Variants in PCDH10 observed in about 807,000 individuals in gnomAD.
PCDH10 encodes protocadherin 10.
PCDH10 carries 15 observed loss-of-function variants against 74.4 expected under a neutral mutation model. That is an observed-to-expected ratio of 0.20 (90% CI 0.13 to 0.31). PCDH10 has a LOEUF of 0.31. PCDH10 is among the 10% of genes least tolerant of loss of function. The pLI is 1.00. For missense variants in PCDH10, 1,260 were observed against 1,390.2 expected (o/e 0.91, Z 1.49); for synonymous variants, 619 against 589.8 (o/e 1.05, Z -0.72).
Position 133,163,102 on chromosome 4 carries a change from G to A in PCDH10, c.2923G>A (p.Val975Ile). ...TGCTGATTATCGCAGCAATCTGCAT[G>A]TTCCTGGCATGGACTCTGTTCCAGA... ...QAADYRSNLH[V>I]PGMDSVPDTE... Residue 975 changes from valine to isoleucine, a missense_variant, in exon 4 of 5, where the codon GTT becomes ATT. By Grantham distance (29) the Val-to-Ile change is conservative (BLOSUM62 3). This residue lies in a region of PCDH10 where 136 missense variants were observed against 149.3 expected (regional missense o/e 0.91). Transcript: ENST00000264360. 1 of 1,614,138 alleles carries A rather than the reference G, an allele frequency of 6.2e-7. No individual in the cohort carries two copies. The highest frequency in any genetic ancestry group is 8.5e-7 in the Non-Finnish European group (1 of 1,180,020).
rs375359012 is a variant in PCDH10, at chr4:133,152,542, A to C, written c.2402A>C (p.Gln801Pro). The change falls in exon 1 of 5, where the codon CAG (glutamine) becomes CCG (proline). Residue 801 changes from glutamine (Q) to proline (P), a missense_variant. By Grantham distance (76) the Gln-to-Pro change is moderately conservative. Around this residue, in one of 11 missense-constraint regions of PCDH10, gnomAD observed 587 missense variants for 616.9 expected, o/e 0.95. Transcript: ENST00000264360. ...QSSNVPSNPA[Q>P]VPIEESGGFG... Reference sequence around the variant, plus strand: ...TCCAATGTACCCAGTAACCCGGCCCAGGTGCCGATAGAGGAGTCCGGGGGC... The same window carrying C: ...TCCAATGTACCCAGTAACCCGGCCCCGGTGCCGATAGAGGAGTCCGGGGGC... 1.2e-6 allele frequency: 2 copies of C among 1,614,000 alleles called. No individual in the cohort carries two copies. The highest frequency in any genetic ancestry group is 1.6e-4 in the Middle Eastern group (1 of 6,084).
intron 1 of PCDH10, among the ~76,000 whole-genome samples, chr4:133,154,062 C>A (rs1399490190): frequency 6.6e-6 from 1 of 152,124 alleles, no homozygotes; most frequent in East Asian, 1.9e-4. Flanking sequence ...AAAAAACACA[C>A]ACACATTTAA....
rs567813670 is a variant in PCDH10, at chr4:133,151,333, T to A, written c.1193T>A (p.Leu398Gln). Residue 398 changes from leucine (L) to glutamine (Q), a missense_variant, in exon 1 of 5, where the codon CTG becomes CAG. Around this residue, in one of 11 missense-constraint regions of PCDH10, gnomAD observed 112 missense variants for 123.6 expected, o/e 0.91. Coordinates refer to ENST00000264360, the MANE Select transcript of PCDH10 (RefSeq NM_032961.3). ...AATGGGCAGGTGCAGTGCGAGCTAC[T>A]GGGAGACGTGCCTTTCCGCCTCAAG... ...EENGQVQCEL[L>Q]GDVPFRLKSS... The A allele has an allele frequency of 6.8e-6, 11 of 1,614,184 alleles. No homozygotes were observed. In the East Asian group the frequency reaches 2.2e-4, roughly 33 times the overall value.
At chr4:133,202,146 G>T (rs894382773) in intron 2 of PCDH10, among the ~76,000 whole-genome samples, 1 of 152,078 alleles carries the variant, frequency 6.6e-6, no homozygotes, top group Non-Finnish European at 1.5e-5. Flanking sequence ...GGGTAAAGAG[G>T]GCTATGCATG....
chr4:133,199,017 C>A (rs921514308), downstream of PCDH10, among the ~76,000 whole-genome samples: 1 of 152,224 alleles, frequency 6.6e-6, no homozygotes, highest in African/African-American at 2.4e-5. Flanking sequence ...GCGGCTCACA[C>A]TTGTAATTAA....
intron 4 of PCDH10, among the ~76,000 whole-genome samples, chr4:133,170,578 A>G (rs1178401943): frequency 6.6e-6 from 1 of 152,244 alleles, no homozygotes; most frequent in African/African-American, 2.4e-5. Flanking sequence ...TGTGCAACAT[A>G]GGAGTCAATG....
At chr4:133,159,512 A>G (rs987641656) in intron 3 of PCDH10, among the ~76,000 whole-genome samples, 5 of 152,176 alleles carry the variant, frequency 3.3e-5, no homozygotes, top group African/African-American at 1.2e-4. Context: ...GAGGTTTGGA[A>G]TAATAGACAT....
At chr4:133,155,686 G>A (rs1270443987) in intron 3 of PCDH10, among the ~76,000 whole-genome samples, 1 of 152,110 alleles carries the variant, frequency 6.6e-6, no homozygotes, top group Non-Finnish European at 1.5e-5. Context: ...TGAACTCTGA[G>A]TATATTTGTT....
At chr4:133,180,044 AT>A (rs1727380722) in intron 4 of PCDH10, among the ~76,000 whole-genome samples, 1 of 151,574 alleles carries the variant, frequency 6.6e-6, no homozygotes. Context: ...CTTCTTTCAA[AT>A]TTTCATAATT....
intron 4 of PCDH10, among the ~76,000 whole-genome samples, chr4:133,180,528 G>A (rs1230824750): frequency 1.3e-5 from 2 of 151,740 alleles, no homozygotes; most frequent in South Asian, 2.1e-4. Flanking sequence ...CTTTCTTTAC[G>A]AGAACATTAT....
Position 133,163,019 on chromosome 4 carries a change from T to G in PCDH10, c.2840T>G (p.Leu947Arg). The change falls in exon 4 of 5, where the codon CTG becomes CGG. Residue 947 changes from leucine (L) to arginine (R), a missense_variant. This residue lies in a region of PCDH10 where 136 missense variants were observed against 149.3 expected (regional missense o/e 0.91). Coordinates refer to ENST00000264360, the MANE Select transcript of PCDH10 (RefSeq NM_032961.3). ...AATTGCACTGAGGAATGTAAAGCTC[T>G]GGGCCACTCAGATCGGTGCTGGATG... ...FSNCTEECKALGHSDRCWMPS... is the reference protein window; with the variant it reads ...FSNCTEECKARGHSDRCWMPS... 4 of 1,614,148 alleles carry G rather than the reference T, an allele frequency of 2.5e-6. No individual in the cohort carries two copies. The highest frequency in any genetic ancestry group is 3.4e-6 in the Non-Finnish European group (4 of 1,179,994).
At chr4:133,154,551 A>G (rs76024433) in intron 2 of PCDH10, among the ~76,000 whole-genome samples, 186 bp downstream of exon 2, 1,759 of 152,342 alleles carry the variant, frequency 0.012, 64 homozygotes, top group East Asian at 0.11. Context: ...TATTTCATTT[A>G]TATACAACGC....
intron 4 of PCDH10, among the ~76,000 whole-genome samples, chr4:133,163,584 T>C (rs1050474142): frequency 6.6e-6 from 1 of 152,170 alleles, no homozygotes; most frequent in Non-Finnish European, 1.5e-5. Flanking sequence ...TATATTTCCT[T>C]TGAGGATCTT....
At position 133,151,400 on chromosome 4, in the gene PCDH10, C is replaced by G; in HGVS notation, c.1260C>G (p.Pro420=). Residue 420 remains proline (P), a synonymous_variant, in exon 1 of 5, where the codon CCC becomes CCG. Coordinates refer to ENST00000264360, the MANE Select transcript of PCDH10 (RefSeq NM_032961.3). ...ACTACACCATCGTTACCGAAGCCCCCCTGGACCGAGAGGCGGGGGACTCCT... is the reference window on the plus strand; with the variant it reads ...ACTACACCATCGTTACCGAAGCCCCGCTGGACCGAGAGGCGGGGGACTCCT... ...KNYYTIVTEA[P]LDREAGDSYT... is the part of the protein sequence containing the mutation. The G allele has an allele frequency of 6.2e-7, 1 of 1,614,144 alleles. No homozygotes were observed. Among genetic ancestry groups the G allele is most frequent in the Non-Finnish European group, 8.5e-7 (1 of 1,180,030 alleles).
At chr4:133,155,321 C>T (rs1267757165) in intron 3 of PCDH10, among the ~76,000 whole-genome samples, 1 of 152,184 alleles carries the variant, frequency 6.6e-6, no homozygotes, top group Non-Finnish European at 1.5e-5. Context: ...ACATAGCTCT[C>T]TCACTTGGTC....
Position 133,150,314 on chromosome 4 carries a change from C to A in PCDH10, c.174C>A (p.Asn58Lys). ...LSARGFQTVP[N>K]SRTPYLDLNL... ...CTCGCGGGTTTCAGACGGTGCCCAA[C>A]TCAAGGACCCCTTACTTAGACCTCA... Residue 58 changes from asparagine to lysine, a missense_variant, in exon 1 of 5, where the codon AAC (asparagine) becomes AAA (lysine). By Grantham distance (94) the Asn-to-Lys change is moderately conservative. Coordinates refer to ENST00000264360, the MANE Select transcript of PCDH10 (RefSeq NM_032961.3). 3 of 1,613,764 alleles carry A rather than the reference C, an allele frequency of 1.9e-6. No individual in the cohort carries two copies. The African/African-American group carries it at 4.0e-5, about 22-fold the overall frequency.
At chr4:133,174,084 T>A (rs2125867510) in intron 4 of PCDH10, among the ~76,000 whole-genome samples, 1 of 152,102 alleles carries the variant, frequency 6.6e-6, no homozygotes, top group South Asian at 2.1e-4. Context: ...GAATTTTCAC[T>A]TTTGGTATCA....
At chr4:133,181,221 C>A (rs1341153466) in intron 4 of PCDH10, among the ~76,000 whole-genome samples, 1 of 151,646 alleles carries the variant, frequency 6.6e-6, no homozygotes, top group Non-Finnish European at 1.5e-5. Flanking sequence ...ATTTAAATAA[C>A]AGTTAAGATT....
intron 4 of PCDH10, among the ~76,000 whole-genome samples, chr4:133,187,289 T>G (rs969875722): frequency 6.6e-6 from 1 of 152,098 alleles, no homozygotes; most frequent in South Asian, 2.1e-4. Context: ...ATGTGCCTGG[T>G]GTTAGGCATT....
Sources: allele counts gnomAD v4.1 joint callset (sites outside exome capture counted in the v4.1 genomes callset), GRCh38; gene constraint gnomAD v4.1.1; regional missense constraint gnomAD v4.1.1; transcripts MANE v1.5; gene names NCBI Gene and HGNC (gene_info 2026-07-23, HGNC 2026-07-21).